Variants in DIP2C observed in about 807,000 individuals in gnomAD.
DIP2C encodes the protein disco-interacting protein 2 homolog C.
A neutral mutation model predicts 192.4 loss-of-function variants in DIP2C; 33 were observed. The observed-to-expected ratio is 0.17, with a 90% CI of 0.13 to 0.23. The LOEUF (loss-of-function observed/expected upper bound fraction) is 0.23, where lower values mean the gene tolerates loss of function less well. Ranked by LOEUF, DIP2C falls within the 10% of genes least tolerant of loss-of-function variation. DIP2C has a pLI of 1.00. For synonymous variants in DIP2C, 979 were observed against 864.1 expected, an observed-to-expected ratio of 1.13 and a Z score of -2.33; for missense variants, 1,537 against 2,110.1, an observed-to-expected ratio of 0.73 and a Z score of 5.32.
intron 23 of DIP2C, among the ~76,000 whole-genome samples, chr10:356,994 T>C (rs752430877): frequency 7.9e-5 from 12 of 152,212 alleles, no homozygotes; most frequent in Non-Finnish European, 1.5e-4. Flanking sequence ...CCTGATGGCA[T>C]GAAGCCACAA....
chr10:398,700 A>AT (rs1964181611), intron 10 of DIP2C, among the ~76,000 whole-genome samples: 1 of 152,224 alleles, frequency 6.6e-6, no homozygotes, highest in Admixed American at 6.5e-5. Context: ...TTAGTAGCTT[A>AT]TTTTCATTAT....
intron 1 of DIP2C, among the ~76,000 whole-genome samples, chr10:570,503 A>C (rs1849722810): frequency 6.6e-6 from 1 of 151,986 alleles, no homozygotes; most frequent in Non-Finnish European, 1.5e-5. Flanking sequence ...CTCCTTTACC[A>C]GTTTCCCGCA....
chr10:281,359 T>C, intron 35 of DIP2C, 36 bp from the exon 36 acceptor site: 2 of 1,574,890 alleles, frequency 1.3e-6, no homozygotes, highest in Non-Finnish European at 1.7e-6. Context: ...AGCTTCCCCA[T>C]AATGCCGCTC....
chr10:665,883 C>G (rs2132109198), intron 1 of DIP2C: 1 of 152,262 alleles, frequency 6.6e-6, no homozygotes, highest in African/African-American at 2.4e-5. Flanking sequence ...ACTCATCCTT[C>G]CACACAATCT....
At chr10:570,863 G>A (rs907296884) in intron 1 of DIP2C, among the ~76,000 whole-genome samples, 5 of 152,238 alleles carry the variant, frequency 3.3e-5, no homozygotes, top group African/African-American at 9.6e-5. Context: ...AATTAAAAGC[G>A]TGTTTCATTC....
At chr10:500,576 G>C (rs1277316597) in intron 1 of DIP2C, among the ~76,000 whole-genome samples, 1 of 152,204 alleles carries the variant, frequency 6.6e-6, no homozygotes, top group Non-Finnish European at 1.5e-5. Flanking sequence ...GCAATGGACA[G>C]AGTACATAAA....
chr10:580,983 C>T (rs1031434187), intron 1 of DIP2C, among the ~76,000 whole-genome samples: 6 of 152,172 alleles, frequency 3.9e-5, no homozygotes, highest in South Asian at 2.1e-4. Flanking sequence ...CTTATTTAAT[C>T]GAGTTCTGAC....
intron 1 of DIP2C, among the ~76,000 whole-genome samples, chr10:527,698 G>A (rs147002417): frequency 2.6e-5 from 4 of 152,356 alleles, no homozygotes; most frequent in African/African-American, 9.6e-5. Flanking sequence ...TGACATAAAT[G>A]TTGGCTAAGG....
chr10:569,530 G>A lies in DIP2C; in HGVS notation c.86-83000C>T, dbSNP rs550658997. On this transcript the variant is annotated intron_variant, in intron 1 of 36. Coordinates refer to ENST00000280886, the MANE Select transcript of DIP2C (RefSeq NM_014974.3). The stretch of plus-strand genomic sequence containing the variant: ...CAAAATAACAAACCAAAGCATGTGT[G>A]GCCTCTTAAAGTGATCAGTGAAATT... 2.0e-5 allele frequency among the ~76,000 whole-genome samples: 3 copies of A among 152,164 alleles called. No homozygotes were observed. In the East Asian group the frequency reaches 5.8e-4, roughly 29 times the overall value.
chr10:544,813 T>C (rs922984041), intron 1 of DIP2C, among the ~76,000 whole-genome samples: 1 of 152,262 alleles, frequency 6.6e-6, no homozygotes, highest in African/African-American at 2.4e-5. Flanking sequence ...TTTAAAGATA[T>C]TCTTGATATC....
At chr10:457,776 G>T (rs1018466247) in intron 3 of DIP2C, among the ~76,000 whole-genome samples, 1 of 152,076 alleles carries the variant, frequency 6.6e-6, no homozygotes, top group African/African-American at 2.4e-5. Flanking sequence ...GGCTGGTCTC[G>T]AACTCCTGTC....
At chr10:488,243 T>C (rs544087223) in intron 1 of DIP2C, among the ~76,000 whole-genome samples, 2 of 152,170 alleles carry the variant, frequency 1.3e-5, no homozygotes, top group East Asian at 3.9e-4. Context: ...GGGAACTAAG[T>C]CTCGAGGCTG....
chr10:391,901 A>G (rs920777392), intron 10 of DIP2C, among the ~76,000 whole-genome samples: 3 of 152,158 alleles, frequency 2.0e-5, no homozygotes, highest in Non-Finnish European at 4.4e-5. Flanking sequence ...TAAAATTTCA[A>G]AGCTGTAGTC....
intron 3 of DIP2C, among the ~76,000 whole-genome samples, chr10:448,223 C>T (rs1358610933): frequency 2.4e-4 from 27 of 113,078 alleles, no homozygotes; most frequent in South Asian, 2.7e-4. Context: ...TCATTCCCGT[C>T]AATAATCAGG....
At chr10:580,317 CCACA>C (rs1850538726) in intron 1 of DIP2C, among the ~76,000 whole-genome samples, 1 of 150,246 alleles carries the variant, frequency 6.7e-6, no homozygotes, top group East Asian at 2.0e-4. Context: ...GTGCACATAT[CCACA>C]AGTTTATTCA....
At chr10:657,995 CACT>C (rs1274552613) in intron 1 of DIP2C, among the ~76,000 whole-genome samples, 12 of 144,944 alleles carry the variant, frequency 8.3e-5, no homozygotes, top group African/African-American at 2.8e-4. Context: ...CTGGACCTGC[CACT>C]GGACCTGACC....
chr10:678,801 ACGCCCATGCTCCCCG>A (rs1830980606), intron 1 of DIP2C, among the ~76,000 whole-genome samples: 1 of 56,786 alleles, frequency 1.8e-5, no homozygotes, highest in Non-Finnish European at 3.1e-5. Context: ...CATGCTCCCC[ACGCCCATGCTCCCCG>A]CGCCCATGCT....
intron 3 of DIP2C, among the ~76,000 whole-genome samples, chr10:448,083 G>T (rs898839037): frequency 7.7e-6 from 1 of 129,406 alleles, no homozygotes; most frequent in Non-Finnish European, 1.5e-5. Context: ...CTATACTCAG[G>T]ATCACACACA....
chr10:588,592 G>A (rs1410589679), intron 1 of DIP2C, among the ~76,000 whole-genome samples: 1 of 152,344 alleles, frequency 6.6e-6, no homozygotes, highest in Non-Finnish European at 1.5e-5. Flanking sequence ...TCCCGGCAGA[G>A]GTCCCAGGAG....
Sources: gnomAD v4.1 joint callset for allele counts (sites outside exome capture counted in the v4.1 genomes callset) on GRCh38, gnomAD v4.1.1 for gene constraint, MANE v1.5 for transcripts, NCBI Gene and HGNC (gene_info 2026-07-23, HGNC 2026-07-21) for gene names.